Variants in ACTR3C observed in about 807,000 individuals in gnomAD.
The protein encoded by ACTR3C is actin-related protein 3C.
A neutral mutation model predicts 26.3 loss-of-function variants in ACTR3C; 18 were observed. The ratio of observed to expected loss-of-function variants is 0.68; its 90% CI spans 0.47 to 1.01. The LOEUF (loss-of-function observed/expected upper bound fraction) is 1.01, where lower values mean the gene tolerates loss of function less well. ACTR3C is among the 50% of genes least tolerant of loss of function. ACTR3C has a pLI of 0.00. For synonymous variants in ACTR3C, 55 were observed against 94.5 expected (o/e 0.58, Z 2.42); for missense variants, 184 against 250.7 (o/e 0.73, Z 1.80).
intron 1 of ACTR3C, among the ~76,000 whole-genome samples, chr7:150,310,090 ACC>A (rs1796172378): frequency 6.6e-6 from 1 of 152,024 alleles, no homozygotes; most frequent in Non-Finnish European, 1.5e-5. Context: ...AGTTATCCCC[ACC>A]TGCCCAGTTC....
At chr7:150,231,640 A>G in the ACTR3C span, among the ~76,000 whole-genome samples, 23,480 of 150,546 alleles carry the variant, frequency 0.16, 2,817 homozygotes, top group African/African-American at 0.33. Flanking sequence ...GCTACACTAA[A>G]CCAGTTAAGA....
At chr7:149,990,962 G>A in the ACTR3C span, among the ~76,000 whole-genome samples, 1 of 152,214 alleles carries the variant, frequency 6.6e-6, no homozygotes, top group African/African-American at 2.4e-5. Flanking sequence ...AGCCTGCAAT[G>A]TGGACTTATC....
the ACTR3C span, among the ~76,000 whole-genome samples, chr7:149,968,574 T>G: frequency 6.6e-6 from 1 of 151,426 alleles, no homozygotes; most frequent in Non-Finnish European, 1.5e-5. Flanking sequence ...TGCCCAGTCT[T>G]GAATTCCTGG....
chr7:149,975,201 T>C, the ACTR3C span, among the ~76,000 whole-genome samples: 1 of 152,228 alleles, frequency 6.6e-6, no homozygotes, highest in Non-Finnish European at 1.5e-5. Context: ...CAAAGTGTCT[T>C]TTCTGATCAC....
chr7:150,042,002 C>T, the ACTR3C span, among the ~76,000 whole-genome samples: 2 of 142,292 alleles, frequency 1.4e-5, no homozygotes, highest in Non-Finnish European at 3.1e-5. Context: ...CTAACACCCA[C>T]AGTCCTCCAG....
chr7:150,159,090 G>A, the ACTR3C span, among the ~76,000 whole-genome samples: 5 of 152,138 alleles, frequency 3.3e-5, no homozygotes, highest in South Asian at 6.2e-4. Flanking sequence ...TAGCTTGATC[G>A]TGGTGATCAT....
chr7:150,228,939 A>G, the ACTR3C span, among the ~76,000 whole-genome samples: 1 of 151,384 alleles, frequency 6.6e-6, no homozygotes, highest in African/African-American at 2.4e-5. Flanking sequence ...ACTACTGTAT[A>G]TATAGTAATG....
chr7:150,253,533 A>T (rs1194807504), intron 6 of ACTR3C, among the ~76,000 whole-genome samples: 2 of 152,278 alleles, frequency 1.3e-5, no homozygotes, highest in South Asian at 2.1e-4. Context: ...CTCCCTGGTG[A>T]CATTGCATCA....
chr7:150,294,593 G>A (rs187329573), intron 2 of ACTR3C, among the ~76,000 whole-genome samples: 1 of 152,346 alleles, frequency 6.6e-6, no homozygotes, highest in Non-Finnish European at 1.5e-5. Context: ...GATAGGCACT[G>A]TGAATCAGCC....
intron 6 of ACTR3C, among the ~76,000 whole-genome samples, chr7:150,256,890 A>G (rs1322200784): frequency 2.0e-5 from 3 of 152,276 alleles, no homozygotes; most frequent in Admixed American, 6.5e-5. Context: ...TCAAGTAAAC[A>G]TGGTTCATTT....
chr7:149,995,626 A>G, the ACTR3C span, among the ~76,000 whole-genome samples: 2 of 152,280 alleles, frequency 1.3e-5, no homozygotes, highest in African/African-American at 4.8e-5. Context: ...AGGATGAACA[A>G]CTGATCTGAA....
At chr7:149,912,633 G>T in the ACTR3C span, among the ~76,000 whole-genome samples, 1 of 151,622 alleles carries the variant, frequency 6.6e-6, no homozygotes, top group Admixed American at 6.6e-5. Flanking sequence ...CTCCTCAGTA[G>T]CTGGAATTAC....
chr7:150,166,904 T>A, the ACTR3C span, among the ~76,000 whole-genome samples: 1 of 150,408 alleles, frequency 6.6e-6, no homozygotes, highest in African/African-American at 2.5e-5. Flanking sequence ...TCATACAATA[T>A]TTGTCTTTTT....
At chr7:150,049,412 G>A in the ACTR3C span, among the ~76,000 whole-genome samples, 1 of 152,228 alleles carries the variant, frequency 6.6e-6, no homozygotes, top group Non-Finnish European at 1.5e-5. Flanking sequence ...GGGAACCTGT[G>A]AGACCCGCCC....
chr7:150,164,840 A>G, the ACTR3C span, among the ~76,000 whole-genome samples: 1 of 152,172 alleles, frequency 6.6e-6, no homozygotes, highest in Non-Finnish European at 1.5e-5. Flanking sequence ...GTATTTCAAC[A>G]AGGAAGGCCC....
the ACTR3C span, among the ~76,000 whole-genome samples, chr7:150,155,338 C>A: frequency 3.9e-5 from 6 of 152,018 alleles, no homozygotes; most frequent in Admixed American, 2.6e-4. Flanking sequence ...CTACAGTCAG[C>A]ACGCTCATTC....
At position 150,274,952 on chromosome 7, in the gene ACTR3C, C is replaced by G. The variant is rs1396923570; in HGVS notation, c.564+9801G>C. On this transcript the variant is annotated intron_variant, in intron 6 of 7. Transcript: ENST00000683684. The surrounding 1 kb of genome is among the most constrained non-coding windows in gnomAD (Gnocchi z 4.1). ...CACTTTCCGGACACCAGCCCACAGT[C>G]ATTCCCTCCCACAGCCCACTCAGAA... Among the ~76,000 whole-genome samples the G allele has an allele frequency of 6.6e-6, 1 of 152,232 alleles. No homozygotes were observed. Among genetic ancestry groups the G allele is most frequent in the Non-Finnish European group, 1.5e-5 (1 of 68,032 alleles).
the ACTR3C span, among the ~76,000 whole-genome samples, chr7:150,237,561 A>G: frequency 0.11 from 16,706 of 151,824 alleles, 1,597 homozygotes; most frequent in African/African-American, 0.24. Context: ...CTTACCTTCC[A>G]TATCTCATAG....
At chr7:150,278,469 G>A (rs952035949) in intron 6 of ACTR3C, among the ~76,000 whole-genome samples, 5 of 152,184 alleles carry the variant, frequency 3.3e-5, no homozygotes, top group Admixed American at 6.5e-5. Context: ...CTGTCCACAC[G>A]GAGGCCCACC....
Sources: allele counts gnomAD v4.1 joint callset (sites outside exome capture counted in the v4.1 genomes callset), GRCh38; gene constraint gnomAD v4.1.1; non-coding constraint Gnocchi (gnomAD v3.1); transcripts MANE v1.5; gene names NCBI Gene and HGNC (gene_info 2026-07-23, HGNC 2026-07-21).